The following APBB2 variants were observed in gnomAD, a reference collection of about 807,000 sequenced individuals.
APBB2 encodes the protein Fe65-like 1.
Under a neutral mutation model 82.5 loss-of-function variants are expected in APBB2, and 38 were observed. The observed-to-expected ratio is 0.46, with a 90% CI of 0.36 to 0.60. The LOEUF (loss-of-function observed/expected upper bound fraction) is 0.60, where lower values mean the gene tolerates loss of function less well. Ranked by LOEUF, APBB2 falls within the 20% of genes least tolerant of loss-of-function variation. The pLI is 0.00. For synonymous variants in APBB2, 341 were observed against 368.2 expected, an observed-to-expected ratio of 0.93 and a Z score of 0.85; for missense variants, 772 against 972.3, an observed-to-expected ratio of 0.79 and a Z score of 2.74.
At chr4:40,973,006 C>A (rs574442006) in intron 6 of APBB2, among the ~76,000 whole-genome samples, 1 of 152,286 alleles carries the variant, frequency 6.6e-6, no homozygotes, top group African/African-American at 2.4e-5. Context: ...GTGGTATGTA[C>A]AATAAACACT....
chr4:41,003,831 G>A (rs1805893073), intron 6 of APBB2, among the ~76,000 whole-genome samples: 1 of 152,188 alleles, frequency 6.6e-6, no homozygotes, highest in Admixed American at 6.5e-5. Flanking sequence ...TCCTGCCTCA[G>A]CCTCCTGAGT....
intron 1 of APBB2, among the ~76,000 whole-genome samples, chr4:41,157,843 T>A (rs1255137300): frequency 6.6e-6 from 1 of 151,974 alleles, no homozygotes; most frequent in Non-Finnish European, 1.5e-5. Context: ...ATACAAAAAA[T>A]TAGCTGGGTG....
intron 12 of APBB2, among the ~76,000 whole-genome samples, chr4:40,845,793 G>T (rs746350694): frequency 6.6e-6 from 1 of 152,032 alleles, no homozygotes; most frequent in South Asian, 2.1e-4. Flanking sequence ...AGAAGTCTCT[G>T]TTGCATGCTT....
At chr4:41,147,481 CTTTTT>C (rs558746840) in intron 1 of APBB2, among the ~76,000 whole-genome samples, 6 of 103,110 alleles carry the variant, frequency 5.8e-5, no homozygotes, top group Non-Finnish European at 9.3e-5. Context: ...GTTTGGCCAG[CTTTTT>C]TTTTTTTTTT....
In APBB2 at chr4:40,935,366, T is replaced by A. The variant is rs1250208034; in HGVS notation, c.1045-227A>T. 6.6e-5 allele frequency: 33 copies of A among 497,570 alleles called. 1 individual carries two copies. The South Asian group carries it at 1.1e-3, about 16-fold the overall frequency. The allele number at this position is 497,570 out of a possible 1,614,324, so 30.8% of individuals were successfully genotyped here. A position where few individuals can be genotyped will look rare whatever the true frequency, so the allele number is the denominator to read the frequency against. On this transcript the variant is annotated intron_variant, in intron 7 of 17. Coordinates refer to ENST00000508593, the MANE Select transcript of APBB2 (RefSeq NM_004307.2). ...GATGGTGCTTTAATTACTTACCAAA[T>A]AAATGACTAAACATTATTAGAAGCA...
chr4:41,142,125 C>T (rs974499883), intron 2 of APBB2, among the ~76,000 whole-genome samples: 1 of 152,064 alleles, frequency 6.6e-6, no homozygotes, highest in South Asian at 2.1e-4. Context: ...AGCCAACAGA[C>T]ATTCACTACT....
At chr4:41,140,139 C>G (rs1458984335) in intron 2 of APBB2, among the ~76,000 whole-genome samples, 1 of 152,164 alleles carries the variant, frequency 6.6e-6, no homozygotes, top group Non-Finnish European at 1.5e-5. Flanking sequence ...AAACAGAAAG[C>G]TGACTGAGGT....
At chr4:40,989,052 C>T (rs993898222) in intron 6 of APBB2, among the ~76,000 whole-genome samples, 4 of 152,112 alleles carry the variant, frequency 2.6e-5, no homozygotes, top group African/African-American at 4.8e-5. Flanking sequence ...AGCCACTGCG[C>T]CTGGCCCCAG....
Position 40,812,068 on chromosome 4 carries a change from CA to C in APBB2, c.*4023del, listed in dbSNP as rs1160872452. 1 of 152,110 alleles carries C rather than the reference CA, an allele frequency of 6.6e-6. No homozygotes were observed. The highest frequency in any genetic ancestry group is 1.5e-5 in the Non-Finnish European group (1 of 68,028). 9.4% of individuals were successfully genotyped at this position (152,110 alleles called of 1,614,324 possible). A position where few individuals can be genotyped will look rare whatever the true frequency, so the allele number is the denominator to read the frequency against. ...AAATAGGCTTCTATGTCCGGAAGGC[CA>C]GCTGGCCTTCCTGATCACCAAATAA... is the stretch of plus-strand genomic sequence containing the variant. On this transcript the variant is annotated 3_prime_UTR_variant, in exon 18 of 18. Coordinates refer to ENST00000508593, the MANE Select transcript of APBB2 (RefSeq NM_004307.2).
At chr4:41,208,831 T>A (rs1310589358) in intron 1 of APBB2, among the ~76,000 whole-genome samples, 1 of 152,230 alleles carries the variant, frequency 6.6e-6, no homozygotes, top group Non-Finnish European at 1.5e-5. Flanking sequence ...TCTTCTCGTA[T>A]TTGTCCATGT....
At chr4:40,975,789 C>CACACA (rs1441223479) in intron 6 of APBB2, among the ~76,000 whole-genome samples, 101 of 147,822 alleles carry the variant, frequency 6.8e-4, no homozygotes, top group African/African-American at 2.4e-3. Flanking sequence ...CACACACACA[C>CACACA]AACAACCACT....
intron 4 of APBB2, among the ~76,000 whole-genome samples, chr4:41,044,504 C>T (rs1443212508): frequency 6.6e-6 from 1 of 152,174 alleles, no homozygotes; most frequent in Non-Finnish European, 1.5e-5. Context: ...GAAGCTCACT[C>T]TGTAGAAGGT....
At chr4:41,172,571 C>CTA (rs1216622596) in intron 1 of APBB2, among the ~76,000 whole-genome samples, 1 of 152,248 alleles carries the variant, frequency 6.6e-6, no homozygotes, top group Non-Finnish European at 1.5e-5. Flanking sequence ...AGGGCAGGAA[C>CTA]TAAGTGTGGT....
At chr4:41,075,654 A>G (rs1369153762) in intron 3 of APBB2, among the ~76,000 whole-genome samples, 1 of 152,224 alleles carries the variant, frequency 6.6e-6, no homozygotes. Context: ...TAGGAAATCT[A>G]AGAAAAACTG....
intron 12 of APBB2, among the ~76,000 whole-genome samples, chr4:40,872,919 C>T (rs1395268511): frequency 6.6e-6 from 1 of 151,896 alleles, no homozygotes; most frequent in East Asian, 1.9e-4. Flanking sequence ...ATGCCCATCT[C>T]TACTACAAAT....
At chr4:41,029,210 C>T (rs1192827429) in intron 5 of APBB2, among the ~76,000 whole-genome samples, 1 of 152,142 alleles carries the variant, frequency 6.6e-6, no homozygotes, top group Non-Finnish European at 1.5e-5. Flanking sequence ...ACTGTTTGAA[C>T]TAGATTACAA....
At chr4:41,048,845 G>A (rs1724471577) in intron 4 of APBB2, among the ~76,000 whole-genome samples, 1 of 152,192 alleles carries the variant, frequency 6.6e-6, no homozygotes, top group Non-Finnish European at 1.5e-5. Context: ...ACTAGTTTTC[G>A]TATTTTTTTG....
chr4:41,150,939 A>C (rs62409966), intron 1 of APBB2, among the ~76,000 whole-genome samples: 1 of 151,940 alleles, frequency 6.6e-6, no homozygotes, highest in African/African-American at 2.4e-5. Flanking sequence ...CAGTTTCACT[A>C]TTTGGCCAGG....
intron 2 of APBB2, among the ~76,000 whole-genome samples, chr4:41,103,072 G>A (rs559535618): frequency 1.3e-4 from 20 of 152,302 alleles, no homozygotes; most frequent in African/African-American, 4.8e-4. Context: ...CAGAAGGGGT[G>A]AAATTGTGAT....
Sources: gnomAD v4.1 joint callset for allele counts (sites outside exome capture counted in the v4.1 genomes callset) on GRCh38, gnomAD v4.1.1 for gene constraint, MANE v1.5 for transcripts, NCBI Gene and HGNC (gene_info 2026-07-23, HGNC 2026-07-21) for gene names.